MEGF11: variants seen among roughly 807,000 people sequenced by gnomAD.
MEGF11 encodes the protein multiple epidermal growth factor-like domains protein 11.
A neutral mutation model predicts 146.6 loss-of-function variants in MEGF11; 126 were observed. The ratio of observed to expected loss-of-function variants is 0.86; its 90% confidence interval spans 0.74 to 1.00. The LOEUF (loss-of-function observed/expected upper bound fraction) is 1.00, where lower values mean the gene tolerates loss of function less well. Ranked by LOEUF, MEGF11 falls within the 50% of genes least tolerant of loss-of-function variation. MEGF11 has a pLI of 0.00. For synonymous variants in MEGF11, 532 were observed against 583.4 expected, an observed-to-expected ratio of 0.91 and a Z score of 1.27; for missense variants, 1,509 against 1,521.2, an observed-to-expected ratio of 0.99 and a Z score of 0.13.
intron 5 of MEGF11, among the ~76,000 whole-genome samples, chr15:66,048,002 A>G (rs1183835030): frequency 7.3e-5 from 11 of 151,598 alleles, no homozygotes. Context: ...CTGGAGGGCA[A>G]TGGTGTGATC....
chr15:65,980,152 T>C (rs412708), intron 7 of MEGF11, among the ~76,000 whole-genome samples: 146,890 of 152,246 alleles, frequency 0.96, 71,094 homozygotes, highest in East Asian at 1. Context: ...GCCCAGGGCC[T>C]GTGGCAGCTC....
In MEGF11 at chr15:65,909,069, C is replaced by CTG; in HGVS notation, c.2962_2963insCA (p.Arg988ThrfsTer35). The CTG allele has an allele frequency of 1.3e-6, 2 of 1,535,636 alleles. No homozygotes were observed. The highest frequency in any genetic ancestry group is 1.7e-6 in the Non-Finnish European group (2 of 1,146,728). On this transcript the variant is annotated frameshift_variant, in exon 23 of 26. Coordinates refer to ENST00000395614, the MANE Select transcript of MEGF11 (RefSeq NM_001385028.1). LOFTEE classifies it high-confidence loss of function. ...TGGCTCAGCGGGGCGGCTGAGGTGTCTAAGTTCAATGTAGAAGTCCTCGGG... is the reference window on the plus strand; with the variant it reads ...TGGCTCAGCGGGGCGGCTGAGGTGTCTGTAAGTTCAATGTAGAAGTCCTCGGG...
chr15:66,116,661 C>A (rs2087745658), intron 4 of MEGF11, among the ~76,000 whole-genome samples: 1 of 152,166 alleles, frequency 6.6e-6, no homozygotes, highest in African/African-American at 2.4e-5. Flanking sequence ...ATGCAAAGGA[C>A]TTTGTGTGTT....
At chr15:66,018,392 A>C (rs955099108) in intron 5 of MEGF11, among the ~76,000 whole-genome samples, 3 of 151,276 alleles carry the variant, frequency 2.0e-5, no homozygotes, top group Admixed American at 6.6e-5. Flanking sequence ...CTCCCCTCCG[A>C]CTCCTCCCTG....
At position 65,916,168 on chromosome 15, in the gene MEGF11, G is replaced by A. The variant is rs1404264072; in HGVS notation, c.2324C>T (p.Thr775Ile). 1.3e-6 allele frequency: 2 copies of A among 1,590,068 alleles called. No homozygotes were observed. Among genetic ancestry groups the A allele is most frequent in the Admixed American group, 1.8e-5 (1 of 56,786 alleles). ...SGKCTCRTGF[T>I]GQHCEQRCAP... ...CTTACTCTGCTCACAGTGTTGCCCG[G>A]TGAAGCCTGTGCGGCAGGTGCACTT... The change falls in exon 18 of 26, where the codon ACC becomes ATC. Residue 775 changes from threonine to isoleucine, a missense_variant. Thr to Ile is a moderately conservative substitution (Grantham distance 89). Coordinates refer to ENST00000395614, the MANE Select transcript of MEGF11 (RefSeq NM_001385028.1).
chr15:66,163,522 C>T (rs2090011642), intron 1 of MEGF11, among the ~76,000 whole-genome samples: 1 of 152,156 alleles, frequency 6.6e-6, no homozygotes, highest in Non-Finnish European at 1.5e-5. Flanking sequence ...CTTTATAGGC[C>T]CTTTCCCGCC....
intron 1 of MEGF11, among the ~76,000 whole-genome samples, chr15:66,188,566 G>C (rs954908694): frequency 6.6e-6 from 1 of 152,160 alleles, no homozygotes; most frequent in African/African-American, 2.4e-5. Flanking sequence ...GCTTGGTTCT[G>C]GTTTCCCCTC....
intron 1 of MEGF11, among the ~76,000 whole-genome samples, chr15:66,226,612 G>A (rs2091859042): frequency 6.6e-6 from 1 of 151,950 alleles, no homozygotes; most frequent in Admixed American, 6.5e-5. Context: ...TGTTATAATT[G>A]GTCTATTTTA....
At chr15:65,954,634 A>AGGG (rs1188518918) in intron 10 of MEGF11, among the ~76,000 whole-genome samples, 4 of 152,216 alleles carry the variant, frequency 2.6e-5, no homozygotes, top group African/African-American at 7.2e-5. Flanking sequence ...AGCCCCAGGC[A>AGGG]GGGGGCATTC....
chr15:65,982,574 C>T lies in MEGF11; in HGVS notation c.395-86G>A. 1 of 1,386,934 alleles carries T rather than the reference C, an allele frequency of 7.2e-7. No homozygotes were observed. Among genetic ancestry groups the T allele is most frequent in the Non-Finnish European group, 9.4e-7 (1 of 1,068,212 alleles). The allele number at this position is 1,386,934 out of a possible 1,614,324, so 85.9% of individuals were successfully genotyped here. A position where few individuals can be genotyped will look rare whatever the true frequency, so the allele number is the denominator to read the frequency against. ...CAGGAACCGATGCCCATGCGGCCTTCCCATCTTTGCAGCGCTGCTCCCCGG... is the reference window on the plus strand; with the variant it reads ...CAGGAACCGATGCCCATGCGGCCTTTCCATCTTTGCAGCGCTGCTCCCCGG... On this transcript the variant is annotated intron_variant, in intron 5 of 25. Coordinates refer to ENST00000395614, the MANE Select transcript of MEGF11 (RefSeq NM_001385028.1). The surrounding 1 kb of genome is among the most constrained non-coding windows in gnomAD (Gnocchi z 5.6).
intron 1 of MEGF11, among the ~76,000 whole-genome samples, chr15:66,157,673 C>G (rs115766844): frequency 6.6e-6 from 1 of 152,122 alleles, no homozygotes; most frequent in East Asian, 1.9e-4. Context: ...GTCCTGCAGA[C>G]GCCTGACAGA....
intron 1 of MEGF11, among the ~76,000 whole-genome samples, chr15:66,140,421 C>T (rs202213103): frequency 1.3e-5 from 2 of 151,992 alleles, no homozygotes; most frequent in East Asian, 1.9e-4. Context: ...GCAGGTTTCC[C>T]GCCTGACTCC....
intron 10 of MEGF11, among the ~76,000 whole-genome samples, chr15:65,932,220 G>A (rs1596861022): frequency 1.3e-5 from 2 of 152,302 alleles, no homozygotes; most frequent in South Asian, 4.1e-4. Context: ...GTAAAGGGAG[G>A]GAGATCCTTT....
chr15:66,213,204 T>A (rs1351394161), intron 1 of MEGF11, among the ~76,000 whole-genome samples: 1 of 151,980 alleles, frequency 6.6e-6, no homozygotes, highest in African/African-American at 2.4e-5. Flanking sequence ...ATAAAATAAA[T>A]GAAATCAGCC....
intron 1 of MEGF11, among the ~76,000 whole-genome samples, chr15:66,190,646 AC>A (rs1284763738): frequency 2.6e-5 from 4 of 152,044 alleles, no homozygotes; most frequent in African/African-American, 9.7e-5. Flanking sequence ...ATCCTTGCCC[AC>A]CTGAGACCTC....
chr15:65,949,598 T>A (rs987429037), intron 10 of MEGF11, among the ~76,000 whole-genome samples: 3 of 152,228 alleles, frequency 2.0e-5, no homozygotes, highest in Admixed American at 6.5e-5. Context: ...TCTCCTCTGC[T>A]TCCCGCATTC....
chr15:66,019,915 A>C (rs1232128829), intron 5 of MEGF11, among the ~76,000 whole-genome samples: 1 of 152,076 alleles, frequency 6.6e-6, no homozygotes, highest in Non-Finnish European at 1.5e-5. Context: ...AGCTATTTCC[A>C]CCGCTACCCA....
At chr15:66,191,180 A>C (rs1400667902) in intron 1 of MEGF11, among the ~76,000 whole-genome samples, 2 of 152,224 alleles carry the variant, frequency 1.3e-5, no homozygotes, top group African/African-American at 4.8e-5. Context: ...AAAAGAAATA[A>C]ACAGCAAAAA....
At chr15:66,233,321 C>T (rs1181622705) in intron 1 of MEGF11, among the ~76,000 whole-genome samples, 2 of 152,124 alleles carry the variant, frequency 1.3e-5, no homozygotes, top group Non-Finnish European at 2.9e-5. Context: ...CTGCAACCTC[C>T]GCCTCCCAGG....
Sources: gnomAD v4.1 joint callset for allele counts (sites outside exome capture counted in the v4.1 genomes callset) on GRCh38, gnomAD v4.1.1 for gene constraint, Gnocchi (gnomAD v3.1) non-coding constraint, MANE v1.5 for transcripts, NCBI Gene and HGNC (gene_info 2026-07-23, HGNC 2026-07-21) for gene names.